Variants in PTGES2 observed in about 807,000 individuals in gnomAD.
PTGES2 encodes prostaglandin E synthase 2, also known as GATE-binding factor 1.
A neutral mutation model predicts 44.5 loss-of-function variants in PTGES2; 35 were observed. The ratio of observed to expected loss-of-function variants is 0.79; its 90% confidence interval spans 0.60 to 1.04. The LOEUF (loss-of-function observed/expected upper bound fraction) is 1.04, where lower values mean the gene tolerates loss of function less well. Ranked by LOEUF, PTGES2 falls within the 50% of genes least tolerant of loss-of-function variation. The pLI is 0.00. For missense variants in PTGES2, 517 were observed against 521.4 expected, an observed-to-expected ratio of 0.99 and a Z score of 0.08; for synonymous variants, 221 against 227.5, an observed-to-expected ratio of 0.97 and a Z score of 0.26.
intron 2 of PTGES2, 164 bp from the exon 3 acceptor site, chr9:128,124,714 G>T: frequency 7.6e-7 from 1 of 1,315,012 alleles, no homozygotes; most frequent in Non-Finnish European, 1.0e-6. Context: ...GTAGGGAGAC[G>T]TGGTTGTGGC....
Position 128,124,483 on chromosome 9 carries a change from G to A in PTGES2, c.536+9C>T. 1 of 1,613,046 alleles carries A rather than the reference G, an allele frequency of 6.2e-7. No homozygotes were observed. Among genetic ancestry groups the A allele is most frequent in the Non-Finnish European group, 8.5e-7 (1 of 1,179,320 alleles). On this transcript the variant is annotated intron_variant, in intron 3 of 6. Coordinates refer to ENST00000338961, the MANE Select transcript of PTGES2 (RefSeq NM_025072.7). ...GCAATGGCCACCTGGTCTCCGAGGG[G>A]CTCCTTACCCCGACACCAGGTAGGT...
chr9:128,123,705 C>T lies in PTGES2; in HGVS notation c.683G>A (p.Arg228Lys). 6.2e-7 allele frequency: 1 copy of T among 1,613,454 alleles called. No homozygotes were observed. Among genetic ancestry groups the T allele is most frequent in the Non-Finnish European group, 8.5e-7 (1 of 1,179,548 alleles). ...AQQVYGGKEARTEEMKWRQWA... is the reference protein window; with the variant it reads ...AQQVYGGKEAKTEEMKWRQWA... ...CGCCAGCCCCAGCCCCACTCACGTC[C>T]TGGCCTCCTTCCCACCATACACTTG... The change falls in exon 4 of 7, where the codon AGG (arginine) becomes AAG (lysine). Residue 228 changes from arginine to lysine, a missense_variant. Coordinates refer to ENST00000338961, the MANE Select transcript of PTGES2 (RefSeq NM_025072.7). The surrounding 1 kb of genome is among the most constrained non-coding windows in gnomAD (Gnocchi z 4.4).
In PTGES2 at chr9:128,125,529, T is replaced by C. The variant is rs76319317; in HGVS notation, c.280-88A>G. 4,383 of 1,214,986 alleles carry C rather than the reference T, an allele frequency of 3.6e-3. 106 individuals carry two copies. In the African/African-American group the frequency reaches 0.056, roughly 16 times the overall value. 75.3% of individuals were successfully genotyped at this position (1,214,986 alleles called of 1,614,324 possible). ...AAGGGTGTTTTCCAGAGGAGTCTTC[T>C]GAAATGACGCTAGAACATCGGGAAG... On this transcript the variant is annotated intron_variant, in intron 1 of 6. Transcript: ENST00000338961.
chr9:128,123,044 C>A lies in PTGES2; in HGVS notation c.777G>T (p.Ala259=), dbSNP rs201491985. The change falls in exon 5 of 7, where the codon GCG becomes GCT. Residue 259 remains alanine, a synonymous_variant. Transcript: ENST00000338961. This position sits in a 1 kb window ranked among gnomAD's most constrained non-coding sequence, Gnocchi z 4.4. ...CCTCGCGGACAATGTAGTCAAAGGACGCCAGAGCCTCGGTGGGCGTGCGGT... is the reference window on the plus strand; with the variant it reads ...CCTCGCGGACAATGTAGTCAAAGGAAGCCAGAGCCTCGGTGGGCGTGCGGT... ...NVYRTPTEAL[A]SFDYIVREGK... is the part of the protein sequence containing the mutation. 10 of 1,613,754 alleles carry A rather than the reference C, an allele frequency of 6.2e-6. No individual in the cohort carries two copies. Among genetic ancestry groups the A allele is most frequent in the Non-Finnish European group, 8.5e-6 (10 of 1,180,022 alleles).
rs996359574 is a variant in PTGES2 at position 128,124,650 on chromosome 9, C to G, written c.478-100G>C. The G allele has an allele frequency of 8.0e-6, 11 of 1,369,318 alleles. No individual in the cohort carries two copies. The African/African-American group carries it at 1.6e-4, about 20-fold the overall frequency. The allele number at this position is 1,369,318 out of a possible 1,614,324, so 84.8% of individuals were successfully genotyped here. A position where few individuals can be genotyped will look rare whatever the true frequency, so the allele number is the denominator to read the frequency against. ...ACACTCTGGGCATTGTTTATCCATT[C>G]CTGGGGACATGCCCGGAGTCCTCCC... On this transcript the variant is annotated intron_variant, in intron 2 of 6. Coordinates refer to ENST00000338961, the MANE Select transcript of PTGES2 (RefSeq NM_025072.7).
intron 5 of PTGES2, 34 bp from the exon 6 acceptor site, chr9:128,122,513 C>A: frequency 6.4e-7 from 1 of 1,569,142 alleles, no homozygotes; most frequent in Non-Finnish European, 8.8e-7. Context: ...CTCAGGGGAG[C>A]CCCCACTCCC....
intron 1 of PTGES2, among the ~76,000 whole-genome samples, 196 bp from the exon 2 acceptor site, chr9:128,125,637 C>T (rs986501731): frequency 6.6e-6 from 1 of 152,144 alleles, no homozygotes; most frequent in South Asian, 2.1e-4. Flanking sequence ...CCAGCACGGT[C>T]CCCAAGCAGG....
At chr9:128,124,288 T>A (rs1834535956) in intron 3 of PTGES2, 1 of 451,130 alleles carries the variant, frequency 2.2e-6, no homozygotes. Flanking sequence ...TTCGCCATGT[T>A]GGCCAGGCTG....
chr9:128,127,398 C>G (rs111353347), intron 1 of PTGES2, 41 bp downstream of exon 1: 55 of 1,328,762 alleles, frequency 4.1e-5, no homozygotes, highest in Non-Finnish European at 5.2e-5. Context: ...CCGAGTTCGG[C>G]GCTGATCAGC....
rs542425236 is a variant in PTGES2, at chr9:128,123,592, G to A, written c.686+110C>T. 149 of 1,179,394 alleles carry A rather than the reference G, an allele frequency of 1.3e-4. 1 individual carries two copies. In the Admixed American group the frequency reaches 1.3e-3, roughly 10 times the overall value. The allele number at this position is 1,179,394 out of a possible 1,614,324, so 73.1% of individuals were successfully genotyped here. A position where few individuals can be genotyped will look rare whatever the true frequency, so the allele number is the denominator to read the frequency against. The stretch of plus-strand genomic sequence containing the variant: ...TCCGGCATGGCCCGGCCCCAGCCCC[G>A]CTGGTCTCCCATGCTGCTCCCTGCT... On this transcript the variant is annotated intron_variant, in intron 4 of 6. Transcript: ENST00000338961. This position sits in a 1 kb window ranked among gnomAD's most constrained non-coding sequence, Gnocchi z 4.4.
rs191457089 is a variant in PTGES2, at chr9:128,121,166, G to A, written c.1113C>T (p.Thr371=). ...ACATTCAGTGCGCTGGGGAGGCCTC[G>A]GTGATGGCCCTCTCCACCCGCAGGT... ...PWYLRVERAI[T]EASPAH is the part of the protein sequence containing the mutation. Residue 371 remains threonine (T), a synonymous_variant, in exon 7 of 7, where the codon ACC becomes ACT. Transcript: ENST00000338961. The A allele has an allele frequency of 7.9e-5, 126 of 1,590,482 alleles. 1 individual carries two copies. Among genetic ancestry groups the A allele is most frequent in the Admixed American group, 3.4e-4 (19 of 56,452 alleles).
At chr9:128,124,399 G>A in intron 3 of PTGES2, 93 bp downstream of exon 3, 1 of 1,118,284 alleles carries the variant, frequency 8.9e-7, no homozygotes. Flanking sequence ...CTAAGCAGCA[G>A]CTCCACGTGC....
rs1007958226 is a variant in PTGES2, at chr9:128,123,391, T to C, written c.687-257A>G. Among the ~76,000 whole-genome samples the C allele has an allele frequency of 4.6e-5, 7 of 152,126 alleles. No individual in the cohort carries two copies. In the East Asian group the frequency reaches 1.2e-3, roughly 25 times the overall value. On this transcript the variant is annotated intron_variant, in intron 4 of 6. Transcript: ENST00000338961. This position sits in a 1 kb window ranked among gnomAD's most constrained non-coding sequence, Gnocchi z 4.4. ...CCTCCTTAGTAGCTGGGATTATAGG[T>C]GTGTGCCTCCACACCTAGCTAATTT...
intron 1 of PTGES2, among the ~76,000 whole-genome samples, chr9:128,127,127 C>A (rs1372553528): frequency 7.6e-6 from 1 of 132,276 alleles, no homozygotes; most frequent in Non-Finnish European, 1.5e-5. Flanking sequence ...TGCAGTGAGC[C>A]GCGATCGCAC....
At chr9:128,127,343 C>T in intron 1 of PTGES2, 96 bp downstream of exon 1, 1 of 1,131,640 alleles carries the variant, frequency 8.8e-7, no homozygotes, top group Non-Finnish European at 1.1e-6. Flanking sequence ...CCCAAGGTCA[C>T]AAGCAGGCAG....
intron 6 of PTGES2, among the ~76,000 whole-genome samples, chr9:128,121,778 TGGCACA>T (rs1834418945): frequency 6.6e-6 from 1 of 152,082 alleles, no homozygotes; most frequent in Non-Finnish European, 1.5e-5. Context: ...CCGGGCATGG[TGGCACA>T]GGCCTGTAAT....
At position 128,123,076 on chromosome 9, in the gene PTGES2, T is replaced by TGG. The variant is rs1341474514; in HGVS notation, c.743_744dup (p.Asn249ProfsTer96). The stretch of plus-strand genomic sequence containing the variant: ...GCCTCGGTGGGCGTGCGGTACACAT[T>TGG]GGGGGAGATCAGGTGCACCAGCCAG... On this transcript the variant is annotated frameshift_variant, in exon 5 of 7. Coordinates refer to ENST00000338961, the MANE Select transcript of PTGES2 (RefSeq NM_025072.7). LOFTEE classifies it high-confidence loss of function. This position sits in a 1 kb window ranked among gnomAD's most constrained non-coding sequence, Gnocchi z 4.4. 2 of 1,612,084 alleles carry TGG rather than the reference T, an allele frequency of 1.2e-6. No individual in the cohort carries two copies. The highest frequency in any genetic ancestry group is 2.7e-5 in the African/African-American group (2 of 74,712).
intron 1 of PTGES2, 103 bp from the exon 2 acceptor site, chr9:128,125,544 A>C: frequency 9.4e-7 from 1 of 1,065,946 alleles, no homozygotes; most frequent in Non-Finnish European, 1.4e-6. Flanking sequence ...TGACGCTAGA[A>C]CATCGGGAAG....
chr9:128,121,114 G>C lies in PTGES2; in HGVS notation c.*31C>G. 1 of 1,562,924 alleles carries C rather than the reference G, an allele frequency of 6.4e-7. No homozygotes were observed. The highest frequency in any genetic ancestry group is 8.7e-7 in the Non-Finnish European group (1 of 1,154,724). On this transcript the variant is annotated 3_prime_UTR_variant, in exon 7 of 7. Coordinates refer to ENST00000338961, the MANE Select transcript of PTGES2 (RefSeq NM_025072.7). ...CAGGCCCTGGCAGCTGGCGTCTTCC[G>C]CTGCCTTCCCTCTGCTCTGCGCGGG...
Sources: gnomAD v4.1 joint callset for allele counts (sites outside exome capture counted in the v4.1 genomes callset) on GRCh38, gnomAD v4.1.1 for gene constraint, Gnocchi (gnomAD v3.1) non-coding constraint, MANE v1.5 for transcripts, NCBI Gene and HGNC (gene_info 2026-07-23, HGNC 2026-07-21) for gene names.